The following NTF3 variants were observed in gnomAD, a reference collection of about 807,000 sequenced individuals.
The protein encoded by NTF3 is neurotrophin-3.
A neutral mutation model predicts 26.3 loss-of-function variants in NTF3; 8 were observed. The ratio of observed to expected loss-of-function variants is 0.30; its 90% CI spans 0.18 to 0.55. The LOEUF is 0.55. Ranked by LOEUF, NTF3 falls within the 20% of genes least tolerant of loss-of-function variation. The pLI is 0.93. For missense variants in NTF3, 276 were observed against 352.9 expected (o/e 0.78, Z 1.75); for synonymous variants, 154 against 145.5 (o/e 1.06, Z -0.42).
intron 1 of NTF3, among the ~76,000 whole-genome samples, chr12:5,470,395 A>T (rs1940650073): frequency 2.0e-5 from 3 of 152,210 alleles, no homozygotes; most frequent in Non-Finnish European, 4.4e-5. Context: ...TGTCTAGAAC[A>T]TCCACGTTTT....
chr12:5,491,857 C>T (rs561490354), intron 1 of NTF3, among the ~76,000 whole-genome samples: 7 of 151,480 alleles, frequency 4.6e-5, no homozygotes, highest in African/African-American at 1.7e-4. Flanking sequence ...GTAGCTGGGA[C>T]TACAGGCTGC....
At chr12:5,464,015 A>G (rs1392141762) in intron 1 of NTF3, among the ~76,000 whole-genome samples, 3 of 152,208 alleles carry the variant, frequency 2.0e-5, no homozygotes, top group Non-Finnish European at 4.4e-5. Flanking sequence ...CAGGGGGCCA[A>G]TTCTGGACTT....
intron 1 of NTF3, among the ~76,000 whole-genome samples, chr12:5,438,210 T>C (rs1940196187): frequency 6.6e-6 from 1 of 152,002 alleles, no homozygotes. Context: ...TGAGAACACA[T>C]GTAGATGGCC....
chr12:5,438,654 A>G (rs949407337), intron 1 of NTF3, among the ~76,000 whole-genome samples: 3 of 152,228 alleles, frequency 2.0e-5, no homozygotes, highest in African/African-American at 7.2e-5. Flanking sequence ...ACAGTAGCTA[A>G]CAAGAGCCCA....
At chr12:5,470,401 G>A (rs140126697) in intron 1 of NTF3, among the ~76,000 whole-genome samples, 1 of 152,338 alleles carries the variant, frequency 6.6e-6, no homozygotes, top group Non-Finnish European at 1.5e-5. Flanking sequence ...GAACATCCAC[G>A]TTTTGCAGCA....
In NTF3 at chr12:5,451,385, T is replaced by A. The variant is rs368546523; in HGVS notation, c.18+19043T>A. ...ACCAAAGAAGTACTGCAGAACTGACTGAGGCTGCCAGAAGTACCACACTCT... is the reference window on the plus strand; with the variant it reads ...ACCAAAGAAGTACTGCAGAACTGACAGAGGCTGCCAGAAGTACCACACTCT... On this transcript the variant is annotated intron_variant, in intron 1 of 1. Coordinates refer to ENST00000423158, the MANE Select transcript of NTF3 (RefSeq NM_001102654.2). Among the ~76,000 whole-genome samples, 23 of 152,370 alleles carry A rather than the reference T, an allele frequency of 1.5e-4. No individual in the cohort carries two copies. The East Asian group carries it at 3.7e-3, about 24-fold the overall frequency.
chr12:5,434,804 G>A (rs1459747428), intron 1 of NTF3, among the ~76,000 whole-genome samples: 3 of 151,878 alleles, frequency 2.0e-5, no homozygotes, highest in South Asian at 2.1e-4. Context: ...AAGGTTGGGC[G>A]CCTGAGGATT....
chr12:5,487,248 C>T (rs922407808), intron 1 of NTF3, among the ~76,000 whole-genome samples: 2 of 152,188 alleles, frequency 1.3e-5, no homozygotes, highest in Non-Finnish European at 2.9e-5. Context: ...GAGCGGCTGG[C>T]GCACACTGTT....
At chr12:5,477,533 G>C (rs1940739422) in intron 1 of NTF3, among the ~76,000 whole-genome samples, 1 of 152,132 alleles carries the variant, frequency 6.6e-6, no homozygotes, top group Non-Finnish European at 1.5e-5. Context: ...TAATACGCAG[G>C]GTTCAGGTAA....
At chr12:5,466,022 C>G (rs971899333) in intron 1 of NTF3, among the ~76,000 whole-genome samples, 2 of 152,166 alleles carry the variant, frequency 1.3e-5, no homozygotes, top group Admixed American at 1.3e-4. Context: ...AAGGCAAGTC[C>G]CCCAACTTTC....
intron 1 of NTF3, among the ~76,000 whole-genome samples, chr12:5,481,518 G>C (rs1940796848): frequency 3.4e-4 from 4 of 11,906 alleles, no homozygotes; most frequent in East Asian, 4.1e-3. Context: ...ACACACACAT[G>C]CACACACACA....
intron 1 of NTF3, among the ~76,000 whole-genome samples, chr12:5,461,742 G>A (rs1259468462): frequency 6.6e-6 from 1 of 152,114 alleles, no homozygotes; most frequent in African/African-American, 2.4e-5. Context: ...GTGTTGAGAA[G>A]GTTTTCTGTC....
intron 1 of NTF3, among the ~76,000 whole-genome samples, chr12:5,491,194 G>A (rs1361475468): frequency 6.6e-6 from 1 of 152,212 alleles, no homozygotes; most frequent in Non-Finnish European, 1.5e-5. Context: ...ATGTATAAAT[G>A]AGGAGGTTGT....
intron 1 of NTF3, among the ~76,000 whole-genome samples, chr12:5,446,238 G>A (rs181847674): frequency 2.4e-4 from 37 of 152,270 alleles, no homozygotes; most frequent in African/African-American, 4.8e-4. Context: ...AACTCACAGA[G>A]GCAGATATTA....
intron 1 of NTF3, among the ~76,000 whole-genome samples, chr12:5,480,721 T>G (rs1940780037): frequency 7.1e-6 from 1 of 141,186 alleles, no homozygotes; most frequent in Non-Finnish European, 1.5e-5. Flanking sequence ...GAAAAGTGAG[T>G]GCAAACGTTT....
rs993015895 is a variant in NTF3, at chr12:5,474,925, G to A, written c.19-19269G>A. Among the ~76,000 whole-genome samples, 5 of 152,160 alleles carry A rather than the reference G, an allele frequency of 3.3e-5. No individual in the cohort carries two copies. The South Asian group carries it at 8.3e-4, about 25-fold the overall frequency. The stretch of plus-strand genomic sequence containing the variant: ...TGCCTTTTCCCAAGAGAGAAAATCC[G>A]AGAGGCTGGAGGAGGAGCAGGGTTT... On this transcript the variant is annotated intron_variant, in intron 1 of 1. Coordinates refer to ENST00000423158, the MANE Select transcript of NTF3 (RefSeq NM_001102654.2).
intron 1 of NTF3, among the ~76,000 whole-genome samples, chr12:5,439,631 C>T (rs1285752204): frequency 6.6e-6 from 1 of 152,182 alleles, no homozygotes; most frequent in African/African-American, 2.4e-5. Flanking sequence ...ACAAGGGAAC[C>T]TGCCCTTACA....
At chr12:5,462,550 G>C (rs958600113) in intron 1 of NTF3, among the ~76,000 whole-genome samples, 20 of 152,144 alleles carry the variant, frequency 1.3e-4, no homozygotes, top group Non-Finnish European at 2.8e-4. Flanking sequence ...GCAAGTGATA[G>C]CCAAGTATGA....
intron 1 of NTF3, among the ~76,000 whole-genome samples, chr12:5,482,389 T>C (rs1437112475): frequency 6.6e-6 from 1 of 152,164 alleles, no homozygotes; most frequent in Non-Finnish European, 1.5e-5. Flanking sequence ...TGCCTTCGTC[T>C]TTCCCATGGT....
Sources: gnomAD v4.1 joint callset for allele counts (sites outside exome capture counted in the v4.1 genomes callset) on GRCh38, gnomAD v4.1.1 for gene constraint, MANE v1.5 for transcripts, NCBI Gene and HGNC (gene_info 2026-07-23, HGNC 2026-07-21) for gene names.